Variants in LUZP2 observed in about 807,000 individuals in gnomAD.
LUZP2 encodes the protein leucine zipper protein 2.
LUZP2 carries 52 observed loss-of-function variants against 51.6 expected under a neutral mutation model. The observed-to-expected ratio is 1.01, with a 90% confidence interval of 0.81 to 1.27. The LOEUF (loss-of-function observed/expected upper bound fraction) is 1.27, where lower values mean the gene tolerates loss of function less well. LUZP2 is among the 50% of genes most tolerant of loss of function. The pLI is 0.00. For synonymous variants in LUZP2, 154 were observed against 137.3 expected (o/e 1.12, Z -0.85); for missense variants, 436 against 395.4 (o/e 1.10, Z -0.87).
intron 4 of LUZP2, among the ~76,000 whole-genome samples, chr11:24,741,910 T>TA (rs1565110849): frequency 9.4e-6 from 1 of 106,530 alleles, no homozygotes; most frequent in Non-Finnish European, 1.8e-5. Flanking sequence ...TATTTCTATA[T>TA]AATATATACA....
At chr11:24,798,791 G>C (rs747550035) in intron 5 of LUZP2, among the ~76,000 whole-genome samples, 3 of 141,598 alleles carry the variant, frequency 2.1e-5, no homozygotes, top group Non-Finnish European at 4.6e-5. Context: ...GAAAGGAGCA[G>C]CTGCAGGTCT....
intron 1 of LUZP2, among the ~76,000 whole-genome samples, chr11:24,593,792 A>T (rs933608556): frequency 1.3e-5 from 2 of 152,178 alleles, no homozygotes; most frequent in African/African-American, 2.4e-5. Flanking sequence ...GTATTTTATT[A>T]GTCAAACAAA....
intron 7 of LUZP2, among the ~76,000 whole-genome samples, chr11:24,942,180 A>C (rs980685553): frequency 3.3e-5 from 5 of 152,192 alleles, no homozygotes; most frequent in African/African-American, 1.2e-4. Context: ...GAGGTCTCAC[A>C]CAGAGATCTT....
rs558296170 is a variant in LUZP2 at position 24,677,413 on chromosome 11, T to G, written c.63-51756T>G. On this transcript the variant is annotated intron_variant, in intron 1 of 11. Transcript: ENST00000336930. ...CAACTCATCTTGTGCTACTTCTGTC[T>G]TCGTGTAGGTATGGTAGATCTTTTA... Among the ~76,000 whole-genome samples the G allele has an allele frequency of 3.9e-5, 6 of 152,348 alleles. No individual in the cohort carries two copies. In the South Asian group the frequency reaches 8.3e-4, roughly 21 times the overall value.
chr11:24,528,969 A>G (rs1466802748), intron 1 of LUZP2, among the ~76,000 whole-genome samples: 7 of 151,108 alleles, frequency 4.6e-5, no homozygotes, highest in African/African-American at 1.7e-4. Flanking sequence ...TTAAATCCAA[A>G]TTAAGCTTCA....
rs181025410 is a variant in LUZP2 at position 24,607,909 on chromosome 11, C to T, written c.62+110604C>T. On this transcript the variant is annotated intron_variant, in intron 1 of 11. Transcript: ENST00000336930. ...TGTCACCCAGGCTGGAGTGCAGTGG[C>T]GCGATCTAGGCTCACTGCAAGCTCC... is the stretch of plus-strand genomic sequence containing the variant. 1.3e-4 allele frequency among the ~76,000 whole-genome samples: 20 copies of T among 151,360 alleles called. No homozygotes were observed. In the East Asian group the frequency reaches 3.3e-3, roughly 25 times the overall value.
At chr11:24,764,976 T>G (rs2134037126) in intron 5 of LUZP2, among the ~76,000 whole-genome samples, 1 of 152,310 alleles carries the variant, frequency 6.6e-6, no homozygotes, top group African/African-American at 2.4e-5. Context: ...ACAGAAATAA[T>G]ATCTGCTAAA....
intron 5 of LUZP2, among the ~76,000 whole-genome samples, chr11:24,813,567 A>T (rs1850084444): frequency 6.6e-6 from 1 of 152,172 alleles, no homozygotes; most frequent in Non-Finnish European, 1.5e-5. Context: ...TCTTGTGTGA[A>T]CTCAGAGCAA....
chr11:25,019,660 A>C (rs1857271579), intron 9 of LUZP2, among the ~76,000 whole-genome samples: 1 of 152,118 alleles, frequency 6.6e-6, no homozygotes, highest in South Asian at 2.1e-4. Context: ...TTTAATATAG[A>C]ACTTTTACTA....
intron 8 of LUZP2, among the ~76,000 whole-genome samples, chr11:24,980,624 T>C (rs1352214545): frequency 4.0e-5 from 6 of 151,580 alleles, no homozygotes; most frequent in Non-Finnish European, 5.9e-5. Context: ...ACATTAAACA[T>C]AAAAACAACA....
At chr11:24,948,901 A>C (rs1854986882) in intron 7 of LUZP2, among the ~76,000 whole-genome samples, 1 of 151,556 alleles carries the variant, frequency 6.6e-6, no homozygotes, top group Admixed American at 6.6e-5. Context: ...ACTTAGATAG[A>C]TAGATCAGCA....
chr11:24,976,026 G>A (rs555036856), intron 7 of LUZP2, among the ~76,000 whole-genome samples: 9 of 152,090 alleles, frequency 5.9e-5, no homozygotes, highest in African/African-American at 2.2e-4. Flanking sequence ...TTCCTGGCTT[G>A]TAGTCAGTGC....
intron 5 of LUZP2, among the ~76,000 whole-genome samples, chr11:24,833,800 A>G (rs1850778084): frequency 6.6e-6 from 1 of 151,710 alleles, no homozygotes. Context: ...TAAGCATTTA[A>G]TGTATTCAGA....
intron 8 of LUZP2, among the ~76,000 whole-genome samples, chr11:24,979,614 A>G (rs1459988718): frequency 6.6e-6 from 1 of 151,890 alleles, no homozygotes; most frequent in African/African-American, 2.4e-5. Context: ...CAGTATAAAC[A>G]ATAATAATAT....
intron 7 of LUZP2, among the ~76,000 whole-genome samples, chr11:24,939,144 T>A (rs1854673841): frequency 6.6e-6 from 1 of 152,184 alleles, no homozygotes; most frequent in Non-Finnish European, 1.5e-5. Flanking sequence ...AATCAAATTA[T>A]CTCGGTTCTC....
At chr11:24,590,638 G>T (rs1228684880) in intron 1 of LUZP2, among the ~76,000 whole-genome samples, 2 of 152,172 alleles carry the variant, frequency 1.3e-5, no homozygotes, top group Non-Finnish European at 1.5e-5. Context: ...GATATCCATG[G>T]TGTTAAAAAA....
chr11:25,011,248 T>C (rs1856976344), intron 9 of LUZP2, among the ~76,000 whole-genome samples: 1 of 152,212 alleles, frequency 6.6e-6, no homozygotes, highest in African/African-American at 2.4e-5. Flanking sequence ...GGCTTCACAG[T>C]AGACAAATTA....
chr11:24,962,516 C>T (rs1332618072), intron 7 of LUZP2, among the ~76,000 whole-genome samples: 1 of 152,138 alleles, frequency 6.6e-6, no homozygotes, highest in Non-Finnish European at 1.5e-5. Context: ...TCATTCATTT[C>T]ATCTTCCATC....
At chr11:24,734,544 A>C (rs1292355603) in intron 3 of LUZP2, among the ~76,000 whole-genome samples, 2 of 151,930 alleles carry the variant, frequency 1.3e-5, no homozygotes, top group Admixed American at 1.3e-4. Flanking sequence ...TTTAAAATGC[A>C]TAACTTGTAT....
Sources: allele counts gnomAD v4.1 joint callset (sites outside exome capture counted in the v4.1 genomes callset), GRCh38; gene constraint gnomAD v4.1.1; transcripts MANE v1.5; gene names NCBI Gene and HGNC (gene_info 2026-07-23, HGNC 2026-07-21).